The following AKAP19 variants were observed in gnomAD, a reference collection of about 807,000 sequenced individuals.
The protein encoded by AKAP19 is A-kinase anchoring protein 19.
the AKAP19 span, among the ~76,000 whole-genome samples, chr2:190,052,028 A>G: frequency 6.6e-6 from 1 of 151,680 alleles, no homozygotes; most frequent in African/African-American, 2.4e-5. Context: ...TTTAGTAGAG[A>G]CGGTGTTTCA....
the AKAP19 span, among the ~76,000 whole-genome samples, chr2:189,908,199 CT>C: frequency 3.4e-3 from 480 of 141,290 alleles, 4 homozygotes; most frequent in African/African-American, 0.011. Context: ...TTACTATATA[CT>C]TTTTTTTTTT....
chr2:189,987,155 T>C, the AKAP19 span, among the ~76,000 whole-genome samples: 6 of 152,292 alleles, frequency 3.9e-5, no homozygotes, highest in South Asian at 4.1e-4. Context: ...GGGAAGGTAA[T>C]TGAATCATGG....
At chr2:190,069,175 T>TGAGAGAGA in the AKAP19 span, among the ~76,000 whole-genome samples, 2,252 of 123,420 alleles carry the variant, frequency 0.018, 87 homozygotes, top group African/African-American at 0.068. Flanking sequence ...TGTGTGTGTG[T>TGAGAGAGA]GAGAGAGAGA....
chr2:189,915,175 T>G, the AKAP19 span, among the ~76,000 whole-genome samples: 1 of 150,324 alleles, frequency 6.7e-6, no homozygotes, highest in East Asian at 2.1e-4. Flanking sequence ...ACTAGAACTG[T>G]TTTTTTTTAA....
At chr2:190,062,799 T>A in the AKAP19 span, 1 of 548,986 alleles carries the variant, frequency 1.8e-6, no homozygotes, top group Non-Finnish European at 3.2e-6. Flanking sequence ...GGATCTATGA[T>A]TGGCTCTTGC....
chr2:190,111,029 C>T, the AKAP19 span, among the ~76,000 whole-genome samples: 3 of 152,106 alleles, frequency 2.0e-5, no homozygotes, highest in Non-Finnish European at 4.4e-5. Flanking sequence ...TAAAGGGAAT[C>T]GGTAGAGAAT....
At chr2:190,086,878 T>C in the AKAP19 span, among the ~76,000 whole-genome samples, 1 of 152,320 alleles carries the variant, frequency 6.6e-6, no homozygotes, top group South Asian at 2.1e-4. Flanking sequence ...ATCCCTTTCT[T>C]TCCTTGTTGG....
the AKAP19 span, among the ~76,000 whole-genome samples, chr2:189,951,595 T>C: frequency 6.6e-6 from 1 of 152,186 alleles, no homozygotes; most frequent in Non-Finnish European, 1.5e-5. Flanking sequence ...AATCTAAAGC[T>C]TTCAAATAAG....
the AKAP19 span, chr2:190,057,509 A>G: frequency 6.2e-7 from 1 of 1,613,482 alleles, no homozygotes; most frequent in Admixed American, 1.7e-5. Flanking sequence ...TCCCATCCAA[A>G]AGCTTCAAAA....
At chr2:190,180,892 C>T in the AKAP19 span, 11 of 985,250 alleles carry the variant, frequency 1.1e-5, no homozygotes, top group East Asian at 8.0e-4. This position sits in a 1 kb window ranked among gnomAD's most constrained non-coding sequence, Gnocchi z 6.8. Context: ...AGCCGGGCGC[C>T]GGCGAGAAGG....
chr2:190,141,304 C>T, the AKAP19 span, among the ~76,000 whole-genome samples: 2 of 152,184 alleles, frequency 1.3e-5, no homozygotes, highest in East Asian at 3.8e-4. Context: ...AAAGTCGCTT[C>T]CACATTTTTA....
At chr2:190,148,420 A>T in the AKAP19 span, among the ~76,000 whole-genome samples, 3 of 152,168 alleles carry the variant, frequency 2.0e-5, no homozygotes, top group Non-Finnish European at 4.4e-5. Flanking sequence ...GTATTTTGCT[A>T]AGGATTTTAG....
chr2:189,988,983 A>C, the AKAP19 span, among the ~76,000 whole-genome samples: 1 of 152,250 alleles, frequency 6.6e-6, no homozygotes, highest in Non-Finnish European at 1.5e-5. Context: ...ACATCCTGGC[A>C]TATGTCAATG....
the AKAP19 span, among the ~76,000 whole-genome samples, chr2:190,161,677 G>C: frequency 6.6e-6 from 1 of 152,178 alleles, no homozygotes; most frequent in Non-Finnish European, 1.5e-5. Flanking sequence ...CGCTTATGCA[G>C]AAGCAGGAAC....
the AKAP19 span, among the ~76,000 whole-genome samples, chr2:189,882,060 G>A: frequency 1.3e-5 from 2 of 152,096 alleles, no homozygotes. Context: ...CCATGGATTT[G>A]TACCATCAAA....
At chr2:190,202,142 T>A in the AKAP19 span, 1 of 167,016 alleles carries the variant, frequency 6.0e-6, no homozygotes, top group African/African-American at 2.4e-5. Flanking sequence ...TTCCCAGGGG[T>A]GTGACAGAGA....
At chr2:190,097,357 TG>T in the AKAP19 span, among the ~76,000 whole-genome samples, 1 of 152,190 alleles carries the variant, frequency 6.6e-6, no homozygotes, top group African/African-American at 2.4e-5. Context: ...AGTTTGCTGG[TG>T]GATGGTCTTG....
the AKAP19 span, among the ~76,000 whole-genome samples, chr2:190,051,165 T>C: frequency 6.6e-6 from 1 of 152,228 alleles, no homozygotes; most frequent in Non-Finnish European, 1.5e-5. Context: ...TTATTACTCG[T>C]GCATCTCTCT....
At chr2:189,963,346 C>A in the AKAP19 span, among the ~76,000 whole-genome samples, 1 of 143,352 alleles carries the variant, frequency 7.0e-6, no homozygotes, top group Non-Finnish European at 1.5e-5. Flanking sequence ...AGGCGCCCAC[C>A]ACCACACCTG....
Sources: gnomAD v4.1 joint callset for allele counts (sites outside exome capture counted in the v4.1 genomes callset) on GRCh38, gnomAD v4.1.1 for gene constraint, Gnocchi (gnomAD v3.1) non-coding constraint, MANE v1.5 for transcripts, NCBI Gene and HGNC (gene_info 2026-07-23, HGNC 2026-07-21) for gene names.